SOX5: variants seen among roughly 807,000 people sequenced by gnomAD.
SOX5 encodes transcription factor SOX-5.
SOX5 carries 9 observed loss-of-function variants against 92.0 expected under a neutral mutation model. The observed-to-expected ratio is 0.10, with a 90% confidence interval of 0.06 to 0.17. SOX5 has a LOEUF of 0.17. Ranked by LOEUF, SOX5 falls within the 10% of genes least tolerant of loss-of-function variation. SOX5 has a pLI of 1.00. For missense variants in SOX5, 642 were observed against 944.5 expected, an observed-to-expected ratio of 0.68 and a Z score of 4.20; for synonymous variants, 344 against 336.3, an observed-to-expected ratio of 1.02 and a Z score of -0.25.
At chr12:23,884,318 G>T (rs1249861642) in intron 2 of SOX5, among the ~76,000 whole-genome samples, 2 of 152,246 alleles carry the variant, frequency 1.3e-5, no homozygotes, top group African/African-American at 2.4e-5. Context: ...GTCACTGAGG[G>T]TCATGGGCTT....
At chr12:24,366,007 T>A (rs149647327) in intron 2 of SOX5, among the ~76,000 whole-genome samples, 1 of 152,144 alleles carries the variant, frequency 6.6e-6, no homozygotes, top group African/African-American at 2.4e-5. Flanking sequence ...ATTCAGGAAA[T>A]AGTCCCAGTA....
chr12:24,209,229 A>G (rs922125302), intron 4 of SOX5, among the ~76,000 whole-genome samples: 1 of 152,168 alleles, frequency 6.6e-6, no homozygotes, highest in South Asian at 2.1e-4. Context: ...CTCTTATGGG[A>G]GTGGAGAATT....
intron 6 of SOX5, among the ~76,000 whole-genome samples, chr12:23,683,259 C>T (rs930865472): frequency 2.6e-5 from 4 of 151,784 alleles, no homozygotes; most frequent in Admixed American, 6.6e-5. Flanking sequence ...AGTTATTCTG[C>T]TTGTGTCTGA....
At chr12:23,914,335 G>A (rs2097387872) in intron 1 of SOX5, among the ~76,000 whole-genome samples, 1 of 152,030 alleles carries the variant, frequency 6.6e-6, no homozygotes, top group Admixed American at 6.6e-5. Context: ...TATATTCCAT[G>A]ATGCTTTCCA....
At chr12:23,776,760 C>T (rs779430881) in intron 3 of SOX5, among the ~76,000 whole-genome samples, 2 of 152,052 alleles carry the variant, frequency 1.3e-5, no homozygotes, top group African/African-American at 4.8e-5. Flanking sequence ...GATTCGTGTG[C>T]CTATAAGAAT....
chr12:23,537,032 G>A (rs1940661475), intron 13 of SOX5, among the ~76,000 whole-genome samples: 1 of 152,050 alleles, frequency 6.6e-6, no homozygotes, highest in Non-Finnish European at 1.5e-5. Context: ...TTTTGAATCT[G>A]AGACTAATTA....
At chr12:23,744,208 C>A (rs562210382) in intron 4 of SOX5, among the ~76,000 whole-genome samples, 1 of 152,174 alleles carries the variant, frequency 6.6e-6, no homozygotes, top group Middle Eastern at 3.2e-3. Flanking sequence ...CATTCTTTAC[C>A]TTTTCCGTCC....
chr12:24,251,776 T>TG lies in SOX5; in HGVS notation c.-77+25439dup, dbSNP rs367884165. ...TAGTAGAGACAAGTTTTCACCATGT[T>TG]GGCCAGGCTGGTCTCAAACTCCCAA... is the stretch of plus-strand genomic sequence containing the variant. On this transcript the variant is annotated intron_variant, in intron 3 of 4. Transcript: ENST00000446891. 7.0e-3 allele frequency among the ~76,000 whole-genome samples: 1,065 copies of TG among 152,122 alleles called. 18 individuals are homozygous for TG. The highest frequency in any genetic ancestry group is 0.022 in the African/African-American group (928 of 41,506).
chr12:24,349,302 C>A (rs1953756193), intron 2 of SOX5, among the ~76,000 whole-genome samples: 1 of 152,146 alleles, frequency 6.6e-6, no homozygotes, highest in African/African-American at 2.4e-5. Context: ...ACAAAAAGTA[C>A]CACCTTAACC....
intron 2 of SOX5, among the ~76,000 whole-genome samples, chr12:24,356,978 A>G (rs1469738270): frequency 6.6e-6 from 1 of 152,236 alleles, no homozygotes; most frequent in East Asian, 1.9e-4. Flanking sequence ...GGCAGAGAAA[A>G]AAGGCTGATC....
At chr12:23,764,513 T>A (rs1047727628) in intron 3 of SOX5, among the ~76,000 whole-genome samples, 8 of 152,052 alleles carry the variant, frequency 5.3e-5, no homozygotes, top group Non-Finnish European at 1.2e-4. Context: ...AAGATGAGAG[T>A]GCGTAGTTCT....
At chr12:24,304,734 C>A (rs151259412) in intron 2 of SOX5, among the ~76,000 whole-genome samples, 1 of 152,172 alleles carries the variant, frequency 6.6e-6, no homozygotes, top group African/African-American at 2.4e-5. Context: ...CATCATTAAA[C>A]CTGTCCTCCT....
rs76614643 is a variant in SOX5 at position 23,533,924 on chromosome 12, G to T, written c.*295C>A. 8.7e-6 allele frequency: 2 copies of T among 229,138 alleles called. No individual in the cohort carries two copies. The highest frequency in any genetic ancestry group is 1.7e-5 in the Non-Finnish European group (2 of 116,718). 14.2% of individuals were successfully genotyped at this position (229,138 alleles called of 1,614,324 possible). The stretch of plus-strand genomic sequence containing the variant: ...AAAGTTTATTTAAAAAAAAAAAAAA[G>T]TTGACGGGTAAGACTTCAGTGCTTG... On this transcript the variant is annotated 3_prime_UTR_variant, in exon 15 of 15. Coordinates refer to ENST00000451604, the MANE Select transcript of SOX5 (RefSeq NM_006940.6).
At chr12:24,056,842 G>A (rs944088881) in intron 4 of SOX5, among the ~76,000 whole-genome samples, 1 of 148,682 alleles carries the variant, frequency 6.7e-6, no homozygotes, top group African/African-American at 2.5e-5. Flanking sequence ...GGGCGTAGTG[G>A]CGGGCGCCTG....
intron 6 of SOX5, among the ~76,000 whole-genome samples, chr12:23,707,921 G>A (rs187341658): frequency 1.3e-5 from 2 of 152,094 alleles, no homozygotes; most frequent in African/African-American, 2.4e-5. Context: ...TTTCTAGGTC[G>A]GAAAGCTGAG....
At chr12:23,979,513 C>T (rs936804856) in intron 4 of SOX5, among the ~76,000 whole-genome samples, 1 of 151,516 alleles carries the variant, frequency 6.6e-6, no homozygotes, top group Admixed American at 6.6e-5. Flanking sequence ...AGTGAGCCAC[C>T]GCACCTGGCC....
chr12:24,336,804 G>A (rs902531558), intron 2 of SOX5, among the ~76,000 whole-genome samples: 6 of 152,148 alleles, frequency 3.9e-5, no homozygotes, highest in East Asian at 3.8e-4. Flanking sequence ...CATAGCTGTC[G>A]CCATAGAACA....
rs1959181020 is a variant in SOX5 at position 24,393,478 on chromosome 12, C to A, written c.-250-24839G>T. ...ATAATCAGCTTTAGGGTCATCTGTA[C>A]TGAGTCTACCACCCACCCCAAAATA... is the stretch of plus-strand genomic sequence containing the variant. On this transcript the variant is annotated intron_variant, in intron 1 of 4. Coordinates refer to the SOX5 transcript ENST00000446891. This position sits in a 1 kb window ranked among gnomAD's most constrained non-coding sequence, Gnocchi z 5.0. Among the ~76,000 whole-genome samples the A allele has an allele frequency of 6.6e-6, 1 of 152,152 alleles. No homozygotes were observed. Among genetic ancestry groups the A allele is most frequent in the African/African-American group, 2.4e-5 (1 of 41,428 alleles).
intron 4 of SOX5, among the ~76,000 whole-genome samples, chr12:24,007,220 T>C (rs1308990550): frequency 2.3e-4 from 7 of 30,058 alleles, no homozygotes; most frequent in African/African-American, 5.0e-4. Context: ...TATATAAATG[T>C]ATATAAATGT....
Sources: allele counts gnomAD v4.1 joint callset (sites outside exome capture counted in the v4.1 genomes callset), GRCh38; gene constraint gnomAD v4.1.1; non-coding constraint Gnocchi (gnomAD v3.1); transcripts MANE v1.5; gene names NCBI Gene and HGNC (gene_info 2026-07-23, HGNC 2026-07-21).